The following ALK variants were observed in gnomAD, a reference collection of about 807,000 sequenced individuals.
ALK encodes the protein ALK receptor tyrosine kinase.
ALK carries 74 observed loss-of-function variants against 163.1 expected under a neutral mutation model. The observed-to-expected ratio is 0.45, with a 90% confidence interval of 0.38 to 0.55. ALK has a LOEUF of 0.55. Ranked by LOEUF, ALK falls within the 20% of genes least tolerant of loss-of-function variation. The pLI is 0.00. For synonymous variants in ALK, 960 were observed against 843.2 expected (o/e 1.14, Z -2.40); for missense variants, 2,063 against 2,105.3 (o/e 0.98, Z 0.39).
In ALK at chr2:29,237,241, C is replaced by T. The variant is rs182689678; in HGVS notation, c.2355+2439G>A. Among the ~76,000 whole-genome samples, 16 of 152,292 alleles carry T rather than the reference C, an allele frequency of 1.1e-4. No individual in the cohort carries two copies. The East Asian group carries it at 2.7e-3, about 26-fold the overall frequency. ...CTCTTGCCAGGATTAATGCCATAGC[C>T]CTTGAATTCATTGTCTTGACCCTTC... On this transcript the variant is annotated intron_variant, in intron 13 of 28. Transcript: ENST00000389048.
chr2:29,836,608 A>G (rs1341768651), intron 1 of ALK, among the ~76,000 whole-genome samples: 1 of 152,266 alleles, frequency 6.6e-6, no homozygotes, highest in Non-Finnish European at 1.5e-5. Context: ...ACCTTAAGCC[A>G]GAATAAGGAA....
At chr2:29,649,286 T>C (rs908161847) in intron 3 of ALK, among the ~76,000 whole-genome samples, 3 of 151,766 alleles carry the variant, frequency 2.0e-5, no homozygotes, top group Admixed American at 6.6e-5. Flanking sequence ...GTGTGTTTCA[T>C]ATTTATTCCT....
chr2:29,345,628 T>A (rs929800938), intron 5 of ALK, among the ~76,000 whole-genome samples: 1 of 151,928 alleles, frequency 6.6e-6, no homozygotes, highest in Non-Finnish European at 1.5e-5. Context: ...TTTAGGAAAC[T>A]TCCTTGAGGA....
intron 26 of ALK, among the ~76,000 whole-genome samples, chr2:29,201,138 T>G (rs4666176): frequency 0.31 from 46,440 of 151,030 alleles, 8,293 homozygotes; most frequent in East Asian, 0.74. Context: ...GTGATAGAGG[T>G]TATGCTCTTA....
chr2:29,476,493 A>G (rs2148114843), intron 4 of ALK, among the ~76,000 whole-genome samples: 1 of 152,318 alleles, frequency 6.6e-6, no homozygotes, highest in African/African-American at 2.4e-5. Flanking sequence ...CTCTCCAGAG[A>G]CAATCATGGT....
chr2:29,534,466 A>T (rs1022923188), intron 3 of ALK, among the ~76,000 whole-genome samples: 8 of 152,062 alleles, frequency 5.3e-5, no homozygotes, highest in South Asian at 4.2e-4. Context: ...CTTTGGGGGT[A>T]TGGCCTGGGG....
chr2:29,529,552 C>T (rs1240927657), intron 4 of ALK, among the ~76,000 whole-genome samples: 2 of 152,240 alleles, frequency 1.3e-5, no homozygotes, highest in African/African-American at 4.8e-5. Flanking sequence ...AAATCTCCAT[C>T]CTTTGTGATC....
chr2:29,216,020 G>C (rs1669594732), intron 23 of ALK, among the ~76,000 whole-genome samples: 1 of 152,196 alleles, frequency 6.6e-6, no homozygotes, highest in African/African-American at 2.4e-5. Flanking sequence ...ATGGCTCCTT[G>C]TGTTTGGCTT....
chr2:29,898,320 A>G (rs2148429135), intron 1 of ALK, among the ~76,000 whole-genome samples: 1 of 152,352 alleles, frequency 6.6e-6, no homozygotes, highest in East Asian at 1.9e-4. Flanking sequence ...AACTGATCAA[A>G]TGCGATTAAG....
chr2:29,252,345 A>C (rs995912359), intron 11 of ALK, among the ~76,000 whole-genome samples: 5 of 152,224 alleles, frequency 3.3e-5, no homozygotes, highest in Non-Finnish European at 7.3e-5. Flanking sequence ...CAAAAATCTC[A>C]TAAGATTGCA....
chr2:29,448,811 G>C (rs569638351), intron 4 of ALK, among the ~76,000 whole-genome samples: 1 of 152,050 alleles, frequency 6.6e-6, no homozygotes, highest in Admixed American at 6.6e-5. Flanking sequence ...TGTCCAGACC[G>C]GTCACCCCTC....
chr2:29,717,835 G>A (rs2148307572), intron 1 of ALK, 138 bp from the exon 2 acceptor site: 1 of 1,096,558 alleles, frequency 9.1e-7, no homozygotes, highest in Non-Finnish European at 1.4e-6. Flanking sequence ...AAAAAATTGA[G>A]CCACCAGTAG....
At chr2:29,226,778 G>T in intron 18 of ALK, 144 bp downstream of exon 18, 1 of 1,009,922 alleles carries the variant, frequency 9.9e-7, no homozygotes, top group Non-Finnish European at 1.5e-6. Context: ...AGTGGTCAGA[G>T]CACTCGAGCT....
chr2:29,500,664 T>G (rs1263791947), intron 4 of ALK, among the ~76,000 whole-genome samples: 1 of 152,152 alleles, frequency 6.6e-6, no homozygotes, highest in African/African-American at 2.4e-5. Context: ...AGGAACTTCA[T>G]GGACATCAGC....
intron 25 of ALK, among the ~76,000 whole-genome samples, chr2:29,208,427 G>A (rs1669371924): frequency 1.3e-5 from 2 of 152,202 alleles, no homozygotes; most frequent in South Asian, 4.1e-4. Context: ...GAGGAGTCAT[G>A]CTGCAGCATT....
At chr2:29,377,702 A>G (rs956964687) in intron 5 of ALK, among the ~76,000 whole-genome samples, 2 of 152,128 alleles carry the variant, frequency 1.3e-5, no homozygotes, top group Non-Finnish European at 2.9e-5. Flanking sequence ...GAGAGTTCAA[A>G]CACCCTCATT....
chr2:29,196,883 T>C, intron 27 of ALK, 23 bp from the exon 28 acceptor site: 3 of 1,554,886 alleles, frequency 1.9e-6, no homozygotes, highest in Non-Finnish European at 2.7e-6. Context: ...GCACATTAAT[T>C]AAAATAAGGA....
intron 1 of ALK, among the ~76,000 whole-genome samples, chr2:29,879,007 G>T (rs565491222): frequency 6.6e-6 from 1 of 152,238 alleles, no homozygotes; most frequent in East Asian, 1.9e-4. Context: ...CAAGAAACAG[G>T]ACTGATGCCA....
chr2:29,224,108 G>A (rs1392667513), intron 19 of ALK, among the ~76,000 whole-genome samples: 2 of 152,184 alleles, frequency 1.3e-5, no homozygotes, highest in African/African-American at 4.8e-5. Context: ...TCAGCCATTG[G>A]GTAGGGCAGC....
Sources: gnomAD v4.1 joint callset for allele counts (sites outside exome capture counted in the v4.1 genomes callset) on GRCh38, gnomAD v4.1.1 for gene constraint, MANE v1.5 for transcripts, NCBI Gene and HGNC (gene_info 2026-07-23, HGNC 2026-07-21) for gene names.